Variants in STK11IP observed in about 807,000 individuals in gnomAD.
STK11IP encodes serine/threonine-protein kinase 11-interacting protein.
A neutral mutation model predicts 131.7 loss-of-function variants in STK11IP; 103 were observed. That is an observed-to-expected ratio of 0.78 (90% CI 0.67 to 0.92). The LOEUF (loss-of-function observed/expected upper bound fraction) is 0.92. Among genes scored for constraint, STK11IP ranks in the 40% least tolerant of loss-of-function variants. STK11IP has a pLI of 0.00. For synonymous variants in STK11IP, 557 were observed against 575.6 expected (o/e 0.97, Z 0.46); for missense variants, 1,315 against 1,385.7 (o/e 0.95, Z 0.81).
In STK11IP at chr2:219,612,074, C is replaced by T. The variant is rs1332502218; in HGVS notation, c.2439+16C>T. On this transcript the variant is annotated intron_variant, in intron 19 of 24. Transcript: ENST00000456909. ...CTGCCTCAAGGTCTGTGCTCCCTGA[C>T]ACTGCCCATGCCCCCAGCTGTCCAG... is the stretch of plus-strand genomic sequence containing the variant. 6.3e-7 allele frequency: 1 copy of T among 1,583,138 alleles called. No homozygotes were observed.
Position 219,607,091 on chromosome 2 carries a change from C to CA in STK11IP, c.1174dup (p.Ser392LysfsTer2), listed in dbSNP as rs1247034856. Reference sequence around the variant, plus strand: ...TGAGGCGGGCAAGCATCTCTGAACCCAGTGATACGGACCCGGAGCCCCGAA... The same window carrying CA: ...TGAGGCGGGCAAGCATCTCTGAACCCAAGTGATACGGACCCGGAGCCCCGAA... On this transcript the variant is annotated frameshift_variant, in exon 13 of 25. Coordinates refer to ENST00000456909, the MANE Select transcript of STK11IP (RefSeq NM_052902.4). LOFTEE classifies it high-confidence loss of function. 6.2e-7 allele frequency: 1 copy of CA among 1,613,784 alleles called. No individual in the cohort carries two copies. The highest frequency in any genetic ancestry group is 1.3e-5 in the African/African-American group (1 of 74,920).
rs1204434139 is a variant in STK11IP at position 219,608,446 on chromosome 2, GC to G, written c.1603+17del. The G allele has an allele frequency of 6.5e-7, 1 of 1,537,670 alleles. No individual in the cohort carries two copies. The highest frequency in any genetic ancestry group is 1.4e-5 in the African/African-American group (1 of 73,376). Reference sequence around the variant, plus strand: ...GAAGTGGAAGGTGAGCCCTTTGTGGGCTGGGGCGAGCTGAGGCCAGGGGCCC... The same window carrying G: ...GAAGTGGAAGGTGAGCCCTTTGTGGGTGGGGCGAGCTGAGGCCAGGGGCCC... On this transcript the variant is annotated intron_variant, in intron 14 of 24. Transcript: ENST00000456909.
In STK11IP at chr2:219,615,298, A is replaced by C; in HGVS notation, c.3074A>C (p.Tyr1025Ser). The change falls in exon 24 of 25, where the codon TAC becomes TCC. Residue 1025 changes from tyrosine (Y) to serine (S), a missense_variant. Tyr to Ser is a moderately radical substitution (Grantham distance 144). Transcript: ENST00000456909. ...AGCAGCCTGAGCTCCGTGCTGCTCT[A>C]CCGCTCAGCCCCTGAGGACTTGCGG... Reference protein sequence around the residue: ...PLSSLSSVLLYRSAPEDLRLL... With the variant: ...PLSSLSSVLLSRSAPEDLRLL... The C allele has an allele frequency of 6.2e-7, 1 of 1,602,612 alleles. No individual in the cohort carries two copies.
chr2:219,600,041 GTTTTTTTTTTTGTTTTTGTTTTT>G lies in STK11IP; in HGVS notation c.62-1182_62-1160del, dbSNP rs1274536624. Among the ~76,000 whole-genome samples, 4 of 91,932 alleles carry G rather than the reference GTTTTTTTTTTTGTTTTTGTTTTT, an allele frequency of 4.4e-5. 1 individual carries two copies. In the East Asian group the frequency reaches 1.3e-3, roughly 30 times the overall value. 60.3% of individuals were successfully genotyped at this position (91,932 alleles called of 152,430 possible). Reference sequence around the variant, plus strand: ...GTGAGCCACCACGCCTGCCCTTTGTGTTTTTTTTTTTGTTTTTGTTTTTTTTTTTTTTTTTTTTTGAGATGGAG... The same window carrying G: ...GTGAGCCACCACGCCTGCCCTTTGTGTTTTTTTTTTTTTTTTGAGATGGAG... On this transcript the variant is annotated intron_variant, in intron 2 of 24. Transcript: ENST00000456909.
In STK11IP at chr2:219,600,066, T is replaced by G. The variant is rs865937750; in HGVS notation, c.62-1169T>G. On this transcript the variant is annotated intron_variant, in intron 2 of 24. Transcript: ENST00000456909. ...GTTTTTTTTTTTGTTTTTGTTTTTT[T>G]TTTTTTTTTTTTTTGAGATGGAGTC... is the stretch of plus-strand genomic sequence containing the variant. Among the ~76,000 whole-genome samples the G allele has an allele frequency of 6.7e-3, 884 of 131,964 alleles. 7 individuals are homozygous for G. The highest frequency in any genetic ancestry group is 0.022 in the African/African-American group (743 of 33,138). The allele number at this position is 131,964 out of a possible 152,430, so 86.6% of individuals were successfully genotyped here. A position where few individuals can be genotyped will look rare whatever the true frequency, so the allele number is the denominator to read the frequency against.
intron 22 of STK11IP, 60 bp from the exon 23 acceptor site, chr2:219,614,414 CCT>C: frequency 6.3e-7 from 1 of 1,578,326 alleles, no homozygotes; most frequent in African/African-American, 1.3e-5. Context: ...TTCCCACTCC[CCT>C]CTCTTCAAGT....
chr2:219,601,774 G>A (rs1009441519), intron 4 of STK11IP, 59 bp downstream of exon 4: 26 of 1,546,648 alleles, frequency 1.7e-5, no homozygotes, highest in Non-Finnish European at 2.2e-5. Context: ...GCCCCTTGGG[G>A]ATGGGAAAGA....
intron 2 of STK11IP, among the ~76,000 whole-genome samples, chr2:219,600,025 C>A (rs1302890430): frequency 6.8e-6 from 1 of 147,000 alleles, no homozygotes; most frequent in African/African-American, 2.5e-5. Context: ...CGTGAGCCAC[C>A]ACGCCTGCCC....
rs886983186 is a variant in STK11IP at position 219,601,319 on chromosome 2, T to C, written c.146T>C (p.Leu49Pro). The C allele has an allele frequency of 1.7e-5, 28 of 1,613,978 alleles. No homozygotes were observed. The highest frequency in any genetic ancestry group is 2.4e-5 in the Non-Finnish European group (28 of 1,179,916). ...CTGAACCACGTATTTGAGCTGCACC[T>C]GGGGCCATGGGGCCCTGGCCAGACA... ...QQLNHVFELH[L>P]GPWGPGQTGF... Residue 49 changes from leucine (L) to proline (P), a missense_variant, in exon 3 of 25, where the codon CTG (leucine) becomes CCG (proline). By Grantham distance (98) the Leu-to-Pro change is moderately conservative (BLOSUM62 -3). Transcript: ENST00000456909.
chr2:219,599,186 C>T lies in STK11IP; in HGVS notation c.61+1006C>T, dbSNP rs149672026. Among the ~76,000 whole-genome samples, 1,191 of 152,088 alleles carry T rather than the reference C, an allele frequency of 7.8e-3. 17 individuals are homozygous for T. The highest frequency in any genetic ancestry group is 0.025 in the African/African-American group (1,026 of 41,492). The stretch of plus-strand genomic sequence containing the variant: ...TCACTGCAACCTCCACCTCCTGGGA[C>T]GAAGTGATTCTCCTGCCTCAGCCTC... On this transcript the variant is annotated intron_variant, in intron 2 of 24. Coordinates refer to ENST00000456909, the MANE Select transcript of STK11IP (RefSeq NM_052902.4).
intron 18 of STK11IP, 25 bp downstream of exon 18, chr2:219,611,859 A>C (rs375428051): frequency 1.9e-6 from 3 of 1,597,522 alleles, no homozygotes; most frequent in Non-Finnish European, 2.6e-6. Context: ...AACAAGACAT[A>C]GATGAGTTTG....
At position 219,605,666 on chromosome 2, in the gene STK11IP, G is replaced by A. The variant is rs1304139577; in HGVS notation, c.677G>A (p.Arg226Lys). Residue 226 changes from arginine to lysine, a missense_variant, in exon 8 of 25, where the codon AGA becomes AAA. Physicochemically the swap from Arg to Lys is conservative, Grantham distance 26. Coordinates refer to ENST00000456909, the MANE Select transcript of STK11IP (RefSeq NM_052902.4). ...TATAATCGCCTGCATTTGGTGCCAA[G>A]AATGGGACCCTCAGGGGCTGCTCTG... ...ISYNRLHLVP[R>K]MGPSGAALGV... The A allele has an allele frequency of 6.4e-7, 1 of 1,562,442 alleles. No individual in the cohort carries two copies. Among genetic ancestry groups the A allele is most frequent in the South Asian group, 1.2e-5 (1 of 84,722 alleles).
In STK11IP at chr2:219,597,938, G is replaced by A; in HGVS notation, c.-27+15G>A. 1.2e-6 allele frequency: 2 copies of A among 1,612,120 alleles called. No homozygotes were observed. The highest frequency in any genetic ancestry group is 2.2e-5 in the East Asian group (1 of 44,634). ...GGGGAGGTTCGGTATGTCTGACCAG[G>A]ACTTATGTTCCTCGAAAGGGCGGCC... On this transcript the variant is annotated intron_variant, in intron 1 of 24. Coordinates refer to ENST00000456909, the MANE Select transcript of STK11IP (RefSeq NM_052902.4).
chr2:219,616,424 G>A lies in STK11IP; in HGVS notation c.*231G>A, dbSNP rs1479929260. 1 of 529,060 alleles carries A rather than the reference G, an allele frequency of 1.9e-6. No homozygotes were observed. The highest frequency in any genetic ancestry group is 3.3e-6 in the Non-Finnish European group (1 of 301,132). 32.8% of individuals were successfully genotyped at this position (529,060 alleles called of 1,614,324 possible). A position where few individuals can be genotyped will look rare whatever the true frequency, so the allele number is the denominator to read the frequency against. ...ATATTTTTCCTGCACTTTTTCTCAGGTATCAATAAAGTTGTTTCCAACTCA... is the reference window on the plus strand; with the variant it reads ...ATATTTTTCCTGCACTTTTTCTCAGATATCAATAAAGTTGTTTCCAACTCA... On this transcript the variant is annotated 3_prime_UTR_variant, in exon 25 of 25. Coordinates refer to ENST00000456909, the MANE Select transcript of STK11IP (RefSeq NM_052902.4).
rs1173533186 is a variant in STK11IP at position 219,613,991 on chromosome 2, AGGCTCCCCACCTGGTACCCAGTAGC to A, written c.2716+64_2716+88del. ...GGAGGGTGGGCAGGGCCTTGGGGCC[AGGCTCCCCACCTGGTACCCAGTAGC>A]GGAGACAGAGAGGTAACAGGACTTG... On this transcript the variant is annotated intron_variant, in intron 21 of 24. Transcript: ENST00000456909. 8 of 1,510,590 alleles carry A rather than the reference AGGCTCCCCACCTGGTACCCAGTAGC, an allele frequency of 5.3e-6. No homozygotes were observed. The African/African-American group carries it at 1.1e-4, about 21-fold the overall frequency. 93.6% of individuals were successfully genotyped at this position (1,510,590 alleles called of 1,614,324 possible). A position where few individuals can be genotyped will look rare whatever the true frequency, so the allele number is the denominator to read the frequency against.
Position 219,613,873 on chromosome 2 carries a change from T to C in STK11IP, c.2659T>C (p.Cys887Arg). 1 of 1,604,016 alleles carries C rather than the reference T, an allele frequency of 6.2e-7. No individual in the cohort carries two copies. The highest frequency in any genetic ancestry group is 8.5e-7 in the Non-Finnish European group (1 of 1,175,350). Residue 887 changes from cysteine (C) to arginine (R), a missense_variant, in exon 21 of 25, where the codon TGT (cysteine) becomes CGT (arginine). Cys to Arg is a radical substitution (Grantham distance 180, BLOSUM62 -3). Coordinates refer to ENST00000456909, the MANE Select transcript of STK11IP (RefSeq NM_052902.4). ...AGAGTGGGCAGCTGGGGCGGGCCGC[T>C]GTGTGCTGCTGCCCCGAGATGCCAG... The part of the protein sequence containing the change: ...RLEWAAGAGR[C>R]VLLPRDARHC...
intron 15 of STK11IP, 151 bp from the exon 16 acceptor site, chr2:219,608,946 A>G (rs1173499625): frequency 1.9e-6 from 2 of 1,028,876 alleles, no homozygotes; most frequent in Non-Finnish European, 1.4e-6. Context: ...AGCTGGGCTG[A>G]GGAGCAGGGA....
In STK11IP at chr2:219,601,683, A is replaced by G. The variant is rs746872090; in HGVS notation, c.310A>G (p.Ile104Val). The change falls in exon 4 of 25, where the codon ATT (isoleucine) becomes GTT (valine). Residue 104 changes from isoleucine to valine, a missense_variant. Transcript: ENST00000456909. ...AGPGPTGPIK[I>V]FPFKSLRHLE... is the part of the protein sequence containing the mutation. ...TCCTGGCCCCACAGGGCCCATCAAG[A>G]TTTTCCCCTTCAAATCCCTTCGGCA... 4 of 1,604,070 alleles carry G rather than the reference A, an allele frequency of 2.5e-6. No homozygotes were observed. The Admixed American group carries it at 5.1e-5, about 21-fold the overall frequency.
In STK11IP at chr2:219,606,221, G is replaced by A; in HGVS notation, c.876G>A (p.Trp292Ter). 6.4e-7 allele frequency: 1 copy of A among 1,569,966 alleles called. No homozygotes were observed. The highest frequency in any genetic ancestry group is 1.4e-5 in the African/African-American group (1 of 73,820). ...RKLYLEGNPL[W>*]FHPEHRAATA... The stretch of plus-strand genomic sequence containing the variant: ...TCTACCTGGAGGGGAACCCTCTTTG[G>A]TTCCACCCTGAGCACCGAGCAGCCA... Residue 292 changes from tryptophan (W) to a stop codon, truncating the protein, a stop_gained, in exon 10 of 25, where the codon TGG becomes TGA. Coordinates refer to ENST00000456909, the MANE Select transcript of STK11IP (RefSeq NM_052902.4). LOFTEE classifies it high-confidence loss of function.
Sources: gnomAD v4.1 joint callset for allele counts (sites outside exome capture counted in the v4.1 genomes callset) on GRCh38, gnomAD v4.1.1 for gene constraint, MANE v1.5 for transcripts, NCBI Gene and HGNC (gene_info 2026-07-23, HGNC 2026-07-21) for gene names.